MAK: variants seen among roughly 807,000 people sequenced by gnomAD.
MAK encodes serine/threonine-protein kinase MAK.
Under a neutral mutation model 82.6 loss-of-function variants are expected in MAK, and 65 were observed. The ratio of observed to expected loss-of-function variants is 0.79; its 90% confidence interval spans 0.64 to 0.97. The LOEUF is 0.97. Ranked by LOEUF, MAK falls within the 50% of genes least tolerant of loss-of-function variation. MAK has a pLI of 0.00. For synonymous variants in MAK, 250 were observed against 274.2 expected (o/e 0.91, Z 0.87); for missense variants, 703 against 780.2 (o/e 0.90, Z 1.18).
At chr6:10,767,719 G>A (rs1445192726) in intron 14 of MAK, among the ~76,000 whole-genome samples, 2 of 151,512 alleles carry the variant, frequency 1.3e-5, no homozygotes, top group Non-Finnish European at 2.9e-5. Context: ...AACCCGGGTG[G>A]CAGAGGTTGC....
rs1581638260 is a variant in MAK, at chr6:10,770,132, G to A, written c.1771C>T (p.Pro591Ser). 11 of 1,614,132 alleles carry A rather than the reference G, an allele frequency of 6.8e-6. No individual in the cohort carries two copies. The East Asian group carries it at 2.2e-4, about 33-fold the overall frequency. The part of the protein sequence containing the change: ...QSAGQRIHLA[P>S]LNATASEYTW... ...CTACCTGAAGCCGTTGCATTGAGAGGTGCTAAGTGGATCCTCTGGCCAGCT... is the reference window on the plus strand; with the variant it reads ...CTACCTGAAGCCGTTGCATTGAGAGATGCTAAGTGGATCCTCTGGCCAGCT... The change falls in exon 14 of 15, where the codon CCT (proline) becomes TCT (serine). Residue 591 changes from proline to serine, a missense_variant. Pro to Ser is a moderately conservative substitution (Grantham distance 74). Coordinates refer to ENST00000354489, the MANE Select transcript of MAK (RefSeq NM_001242957.3).
chr6:10,813,981 C>T lies in MAK; in HGVS notation c.279-258G>A, dbSNP rs538950365. ...TATTAAATAGCTAATTTTTTTTTTT[C>T]TTTTGAGACAGAGTTTCACTCTTTG... On this transcript the variant is annotated intron_variant, in intron 4 of 14. Coordinates refer to ENST00000354489, the MANE Select transcript of MAK (RefSeq NM_001242957.3). Among the ~76,000 whole-genome samples, 485 of 139,704 alleles carry T rather than the reference C, an allele frequency of 3.5e-3. 14 individuals carry two copies. Among genetic ancestry groups the T allele is most frequent in the Admixed American group, 0.031 (436 of 14,094 alleles). 91.7% of individuals were successfully genotyped at this position (139,704 alleles called of 152,430 possible).
At chr6:10,817,775 TAA>T (rs1777605656) in intron 4 of MAK, 73 bp downstream of exon 4, 8 of 1,195,382 alleles carry the variant, frequency 6.7e-6, no homozygotes, top group Non-Finnish European at 2.4e-6. Context: ...CTTTCTCTCA[TAA>T]AGTATGACAT....
intron 4 of MAK, 27 bp from the exon 5 acceptor site, chr6:10,813,750 T>G: frequency 1.5e-6 from 2 of 1,339,872 alleles, no homozygotes; most frequent in African/African-American, 2.9e-5. Flanking sequence ...AGTCACATAA[T>G]TCTGTTAAGC....
intron 1 of MAK, among the ~76,000 whole-genome samples, chr6:10,831,362 A>T (rs1357270459): frequency 1.3e-5 from 2 of 152,250 alleles, no homozygotes; most frequent in African/African-American, 4.8e-5. Flanking sequence ...AAAATTTCAT[A>T]TTCTATTTAA....
chr6:10,831,131 C>A (rs1778782190), intron 1 of MAK, among the ~76,000 whole-genome samples: 1 of 151,962 alleles, frequency 6.6e-6, no homozygotes, highest in African/African-American at 2.4e-5. Context: ...TGTATGATTC[C>A]TTTTTTACTA....
intron 6 of MAK, among the ~76,000 whole-genome samples, chr6:10,806,767 C>T (rs998094161): frequency 6.6e-6 from 1 of 151,934 alleles, no homozygotes; most frequent in African/African-American, 2.4e-5. Context: ...TGCTGGGATT[C>T]AGGTGTGAGC....
intron 5 of MAK, among the ~76,000 whole-genome samples, chr6:10,810,145 A>C (rs540105720): frequency 5.9e-4 from 88 of 150,224 alleles, no homozygotes; most frequent in African/African-American, 2.0e-3. Flanking sequence ...ACCCAGGGGG[A>C]AAAGAACAAA....
chr6:10,813,004 A>AC (rs1777070654), intron 5 of MAK, among the ~76,000 whole-genome samples: 1 of 127,890 alleles, frequency 7.8e-6, no homozygotes, highest in East Asian at 2.6e-4. Flanking sequence ...ACCTAAGGTG[A>AC]TCCCCCCCCC....
chr6:10,772,431 C>T (rs1471828997), intron 13 of MAK, among the ~76,000 whole-genome samples: 1 of 151,868 alleles, frequency 6.6e-6, no homozygotes, highest in African/African-American at 2.4e-5. Context: ...GCAACCTCCG[C>T]CTCCCGGGTT....
intron 9 of MAK, among the ~76,000 whole-genome samples, chr6:10,794,007 G>C (rs1331924398): frequency 6.6e-6 from 1 of 152,200 alleles, no homozygotes; most frequent in Non-Finnish European, 1.5e-5. Flanking sequence ...GGAACTGAGA[G>C]TTATCAGTCA....
chr6:10,801,745 A>G lies in MAK; in HGVS notation c.831+147T>C, dbSNP rs1319653979. On this transcript the variant is annotated intron_variant, in intron 8 of 14. Coordinates refer to ENST00000354489, the MANE Select transcript of MAK (RefSeq NM_001242957.3). The stretch of plus-strand genomic sequence containing the variant: ...ATATTATATGCCTAGAAATTAATTT[A>G]TTACATACGCTGGATGCCTAGGACT... The G allele has an allele frequency of 4.4e-6, 3 of 674,336 alleles. No homozygotes were observed. The African/African-American group carries it at 5.4e-5, about 12-fold the overall frequency. 41.8% of individuals were successfully genotyped at this position (674,336 alleles called of 1,614,324 possible). A position where few individuals can be genotyped will look rare whatever the true frequency, so the allele number is the denominator to read the frequency against.
At chr6:10,822,886 G>A (rs1778069964) in intron 2 of MAK, among the ~76,000 whole-genome samples, 1 of 152,076 alleles carries the variant, frequency 6.6e-6, no homozygotes, top group South Asian at 2.1e-4. Context: ...CTATCATAAA[G>A]TAAATAACTT....
chr6:10,764,095 A>G lies in MAK; in HGVS notation c.*357T>C, dbSNP rs1239333509. 3.9e-5 allele frequency: 9 copies of G among 230,336 alleles called. No individual in the cohort carries two copies. The highest frequency in any genetic ancestry group is 7.8e-5 in the Non-Finnish European group (9 of 115,462). The allele number at this position is 230,336 out of a possible 1,614,324, so 14.3% of individuals were successfully genotyped here. ...GAACTACTAAACCATTTGGGCACAT[A>G]CAACAAATGAAAACTAAAACACTCT... is the stretch of plus-strand genomic sequence containing the variant. On this transcript the variant is annotated 3_prime_UTR_variant, in exon 15 of 15. Transcript: ENST00000354489.
intron 13 of MAK, 131 bp from the exon 14 acceptor site, chr6:10,770,361 C>T: frequency 1.0e-6 from 1 of 972,592 alleles, no homozygotes; most frequent in Admixed American, 1.9e-5. Flanking sequence ...CACTGAGCTG[C>T]ACTTGTTACA....
intron 11 of MAK, among the ~76,000 whole-genome samples, chr6:10,779,689 A>T (rs1459845185): frequency 2.0e-5 from 3 of 151,982 alleles, no homozygotes; most frequent in African/African-American, 7.2e-5. Flanking sequence ...CTTTTTTTAA[A>T]TTTTTTTATT....
rs1774448384 is a variant in MAK, at chr6:10,785,363, TCTC to T, written c.1317-794_1317-792del. Among the ~76,000 whole-genome samples, 4 of 152,106 alleles carry T rather than the reference TCTC, an allele frequency of 2.6e-5. No homozygotes were observed. In the South Asian group the frequency reaches 8.3e-4, roughly 32 times the overall value. On this transcript the variant is annotated intron_variant, in intron 10 of 14. Transcript: ENST00000354489. ...GTAATGAGCCCTCCACGACCAACCT[TCTC>T]CCCACCACCCTCCGACTGGGCTCCT... is the stretch of plus-strand genomic sequence containing the variant.
At chr6:10,795,445 G>T (rs1012226789) in intron 9 of MAK, among the ~76,000 whole-genome samples, 3 of 147,212 alleles carry the variant, frequency 2.0e-5, no homozygotes, top group Admixed American at 6.8e-5. Flanking sequence ...TCCGTCTCAA[G>T]AAATAAAAAA....
At chr6:10,770,712 T>C (rs1318035925) in intron 13 of MAK, among the ~76,000 whole-genome samples, 2 of 152,198 alleles carry the variant, frequency 1.3e-5, no homozygotes, top group African/African-American at 4.8e-5. Context: ...TGGCATAGAA[T>C]CTGTACGCAT....
Sources: gnomAD v4.1 joint callset for allele counts (sites outside exome capture counted in the v4.1 genomes callset) on GRCh38, gnomAD v4.1.1 for gene constraint, MANE v1.5 for transcripts, NCBI Gene and HGNC (gene_info 2026-07-23, HGNC 2026-07-21) for gene names.